PODXL2: variants seen among roughly 807,000 people sequenced by gnomAD.
PODXL2 encodes the protein podocalyxin like 2.
PODXL2 carries 17 observed loss-of-function variants against 53.4 expected under a neutral mutation model. The observed-to-expected ratio is 0.32, with a 90% confidence interval of 0.22 to 0.48. The LOEUF (loss-of-function observed/expected upper bound fraction) is 0.48. PODXL2 is among the 20% of genes least tolerant of loss of function. PODXL2 has a pLI of 0.99. For missense variants in PODXL2, 673 were observed against 760.0 expected (o/e 0.89, Z 1.35); for synonymous variants, 311 against 306.7 (o/e 1.01, Z -0.15).
At position 127,672,484 on chromosome 3, in the gene PODXL2, C is replaced by A; in HGVS notation, c.*4C>A. On this transcript the variant is annotated 3_prime_UTR_variant, in exon 8 of 8. Transcript: ENST00000342480. ...CGAGGAGGACACGCACCTGTGAGCG[C>A]AGCCGAGGCGCAGGCCGAGTGGGCC... 11 of 1,485,010 alleles carry A rather than the reference C, an allele frequency of 7.4e-6. No individual in the cohort carries two copies. Among genetic ancestry groups the A allele is most frequent in the Non-Finnish European group, 9.8e-6 (11 of 1,117,960 alleles). The allele number at this position is 1,485,010 out of a possible 1,614,324, so 92.0% of individuals were successfully genotyped here.
chr3:127,660,674 G>T lies in PODXL2; in HGVS notation c.646G>T (p.Gly216Trp). The change falls in exon 3 of 8, where the codon GGG (glycine) becomes TGG (tryptophan). Residue 216 changes from glycine (G) to tryptophan (W), a missense_variant. Gly to Trp is a radical substitution (Grantham distance 184). Transcript: ENST00000342480. ...TCTCACCAGCAGCAGCCAGACCCCA[G>T]GGGCCACCAAAAGCAGGCATGAAGA... is the stretch of plus-strand genomic sequence containing the variant. ...FSLTSSSQTP[G>W]ATKSRHEDSG... 1 of 1,614,202 alleles carries T rather than the reference G, an allele frequency of 6.2e-7. No individual in the cohort carries two copies. Among genetic ancestry groups the T allele is most frequent in the Non-Finnish European group, 8.5e-7 (1 of 1,180,032 alleles).
intron 7 of PODXL2, among the ~76,000 whole-genome samples, chr3:127,671,930 G>C (rs1342023880): frequency 2.6e-5 from 4 of 152,204 alleles, no homozygotes. Context: ...CGTTGGTGGT[G>C]CCCAAGGATC....
chr3:127,672,610 C>T lies in PODXL2; in HGVS notation c.*130C>T. 1 of 553,444 alleles carries T rather than the reference C, an allele frequency of 1.8e-6. No homozygotes were observed. Among genetic ancestry groups the T allele is most frequent in the Non-Finnish European group, 3.0e-6 (1 of 336,052 alleles). 34.3% of individuals were successfully genotyped at this position (553,444 alleles called of 1,614,324 possible). On this transcript the variant is annotated 3_prime_UTR_variant, in exon 8 of 8. Coordinates refer to ENST00000342480, the MANE Select transcript of PODXL2 (RefSeq NM_015720.4). The stretch of plus-strand genomic sequence containing the variant: ...CCCGCGGCCTGGCCCTCGGCGCGGG[C>T]TCCTTCCCGCTTCCCCCGACTTCAC...
intron 2 of PODXL2, among the ~76,000 whole-genome samples, chr3:127,650,138 C>G (rs1387567718): frequency 6.6e-6 from 1 of 152,144 alleles, no homozygotes; most frequent in Non-Finnish European, 1.5e-5. Flanking sequence ...GGCTCTGGCC[C>G]TTATGCCTGT....
intron 2 of PODXL2, among the ~76,000 whole-genome samples, chr3:127,656,244 G>A (rs1400808422): frequency 1.3e-5 from 2 of 152,186 alleles, no homozygotes; most frequent in Admixed American, 6.5e-5. Context: ...AAATATCAGT[G>A]ATATGAAGAA....
At chr3:127,635,117 G>A (rs939015918) in intron 1 of PODXL2, among the ~76,000 whole-genome samples, 32 of 152,202 alleles carry the variant, frequency 2.1e-4, no homozygotes, top group Non-Finnish European at 3.5e-4. Context: ...AAGGGAAACT[G>A]AACACATGTT....
rs1480456655 is a variant in PODXL2, at chr3:127,671,592, G to A, written c.1584G>A (p.Arg528=). 2 of 1,613,622 alleles carry A rather than the reference G, an allele frequency of 1.2e-6. No homozygotes were observed. Among genetic ancestry groups the A allele is most frequent in the South Asian group, 2.2e-5 (2 of 91,092 alleles). The part of the protein sequence containing the change: ...LGLLYNCWQR[R]LPKLKHVSHG... The stretch of plus-strand genomic sequence containing the variant: ...TGCTCTACAACTGCTGGCAGCGCCG[G>A]CTGCCCAAGCTCAAGCACGTGGTGA... The change falls in exon 7 of 8, where the codon CGG becomes CGA. Residue 528 remains arginine, a synonymous_variant. Transcript: ENST00000342480.
At position 127,639,459 on chromosome 3, in the gene PODXL2, A is replaced by G. The variant is rs2074600399; in HGVS notation, c.285A>G (p.Pro95=). The G allele has an allele frequency of 6.2e-7, 1 of 1,614,242 alleles. No individual in the cohort carries two copies. ...AAGAGTCTCGGATTCTGCAGCCACC[A>G]CAGTACTTCTGGGAAGAGGAGGAAG... ...ENEESRILQP[P]QYFWEEEEEL... Residue 95 remains proline (P), a synonymous_variant, in exon 2 of 8, where the codon CCA becomes CCG. Coordinates refer to ENST00000342480, the MANE Select transcript of PODXL2 (RefSeq NM_015720.4).
At chr3:127,641,034 T>C (rs930552102) in intron 2 of PODXL2, among the ~76,000 whole-genome samples, 4 of 152,108 alleles carry the variant, frequency 2.6e-5, no homozygotes, top group Non-Finnish European at 5.9e-5. Flanking sequence ...TGCCTCAGCC[T>C]CCGAGTAGCT....
chr3:127,657,830 A>G (rs1389605440), intron 2 of PODXL2, among the ~76,000 whole-genome samples: 1 of 152,210 alleles, frequency 6.6e-6, no homozygotes, highest in Non-Finnish European at 1.5e-5. Context: ...TCTGGCTATT[A>G]TAAAGTTCTT....
chr3:127,640,701 C>CAA (rs60908158), intron 2 of PODXL2, among the ~76,000 whole-genome samples: 9 of 150,046 alleles, frequency 6.0e-5, no homozygotes, highest in Non-Finnish European at 8.9e-5. Context: ...AACTCTATCT[C>CAA]AAAAAAAAAT....
chr3:127,665,492 T>C (rs1576435155), intron 4 of PODXL2, among the ~76,000 whole-genome samples: 1 of 151,996 alleles, frequency 6.6e-6, no homozygotes, highest in East Asian at 1.9e-4. Context: ...TAGAAGAAAC[T>C]GGAAAGAAGT....
At position 127,672,566 on chromosome 3, in the gene PODXL2, C is replaced by G; in HGVS notation, c.*86C>G. The stretch of plus-strand genomic sequence containing the variant: ...GACGGCCCGGAGCCCGCACCAGCCC[C>G]GCGCCTACCCGGGCCGCCCCCGCGG... On this transcript the variant is annotated 3_prime_UTR_variant, in exon 8 of 8. Coordinates refer to ENST00000342480, the MANE Select transcript of PODXL2 (RefSeq NM_015720.4). 2 of 887,180 alleles carry G rather than the reference C, an allele frequency of 2.3e-6. No individual in the cohort carries two copies. The highest frequency in any genetic ancestry group is 1.6e-6 in the Non-Finnish European group (1 of 631,214). 55.0% of individuals were successfully genotyped at this position (887,180 alleles called of 1,614,324 possible). A position where few individuals can be genotyped will look rare whatever the true frequency, so the allele number is the denominator to read the frequency against.
intron 4 of PODXL2, among the ~76,000 whole-genome samples, chr3:127,663,184 A>G (rs537182389): frequency 6.6e-6 from 1 of 152,182 alleles, no homozygotes; most frequent in Non-Finnish European, 1.5e-5. Flanking sequence ...GCCGTTTCTT[A>G]AGCAAACTTT....
Position 127,660,415 on chromosome 3 carries a change from C to T in PODXL2, c.387C>T (p.Ser129=), listed in dbSNP as rs776241218. ...CTGACTTAACTGAGAAGGCAGGTTCCATTGAAGACACCAGCCAGGCTCAAG... is the reference window on the plus strand; with the variant it reads ...CTGACTTAACTGAGAAGGCAGGTTCTATTGAAGACACCAGCCAGGCTCAAG... ...VFPDLTEKAG[S]IEDTSQAQEL... The change falls in exon 3 of 8, where the codon TCC becomes TCT. Residue 129 remains serine (S), a synonymous_variant. Coordinates refer to ENST00000342480, the MANE Select transcript of PODXL2 (RefSeq NM_015720.4). 5.0e-6 allele frequency: 8 copies of T among 1,613,508 alleles called. No homozygotes were observed. The highest frequency in any genetic ancestry group is 1.1e-5 in the South Asian group (1 of 91,066).
At chr3:127,633,270 C>T (rs1318734774) in intron 1 of PODXL2, among the ~76,000 whole-genome samples, 2 of 152,236 alleles carry the variant, frequency 1.3e-5, no homozygotes, top group African/African-American at 2.4e-5. Flanking sequence ...ATATTCTCTT[C>T]CTTCACGTAT....
At chr3:127,668,707 C>T (rs1449154638) in intron 5 of PODXL2, 110 bp downstream of exon 5, 1 of 1,092,960 alleles carries the variant, frequency 9.1e-7, no homozygotes, top group Non-Finnish European at 1.3e-6. Context: ...CTTGGAACTC[C>T]AGGACAGTAG....
At chr3:127,655,713 T>C (rs2074720013) in intron 2 of PODXL2, among the ~76,000 whole-genome samples, 1 of 152,258 alleles carries the variant, frequency 6.6e-6, no homozygotes, top group Admixed American at 6.5e-5. Context: ...AAAGGACTGC[T>C]GATTCCAAGT....
intron 1 of PODXL2, among the ~76,000 whole-genome samples, chr3:127,636,261 A>G (rs913284194): frequency 6.6e-6 from 1 of 152,158 alleles, no homozygotes; most frequent in Non-Finnish European, 1.5e-5. Context: ...AGGACAGGGC[A>G]CTCTGTTTCT....
Sources: allele counts gnomAD v4.1 joint callset (sites outside exome capture counted in the v4.1 genomes callset), GRCh38; gene constraint gnomAD v4.1.1; transcripts MANE v1.5; gene names NCBI Gene and HGNC (gene_info 2026-07-23, HGNC 2026-07-21).